Variants in CSGALNACT1 observed in about 807,000 individuals in gnomAD.
CSGALNACT1 encodes the protein chondroitin sulfate N-acetylgalactosaminyltransferase 1.
Under a neutral mutation model 51.0 loss-of-function variants are expected in CSGALNACT1, and 52 were observed. The ratio of observed to expected loss-of-function variants is 1.02; its 90% CI spans 0.82 to 1.29. The LOEUF (loss-of-function observed/expected upper bound fraction) is 1.29. CSGALNACT1 is among the 50% of genes most tolerant of loss of function. CSGALNACT1 has a pLI of 0.00. For synonymous variants in CSGALNACT1, 341 were observed against 254.4 expected (o/e 1.34, Z -3.24); for missense variants, 935 against 679.2 (o/e 1.38, Z -4.19).
chr8:19,538,458 CAA>C (rs1409311775), intron 3 of CSGALNACT1, among the ~76,000 whole-genome samples: 1 of 152,024 alleles, frequency 6.6e-6, no homozygotes, highest in East Asian at 1.9e-4. Context: ...ATGATGCAGG[CAA>C]AAGATACTTG....
chr8:19,561,913 C>T (rs1244198530), intron 3 of CSGALNACT1, among the ~76,000 whole-genome samples: 3 of 152,026 alleles, frequency 2.0e-5, no homozygotes, highest in Non-Finnish European at 4.4e-5. Flanking sequence ...GGAGGGATTG[C>T]TATTTCAGCA....
chr8:19,413,675 G>T (rs2056328634), intron 8 of CSGALNACT1, among the ~76,000 whole-genome samples: 1 of 152,200 alleles, frequency 6.6e-6, no homozygotes, highest in Admixed American at 6.5e-5. Flanking sequence ...ACCAGAGAGA[G>T]GGCAAGGACA....
chr8:19,474,394 T>C (rs2068915035), intron 4 of CSGALNACT1, among the ~76,000 whole-genome samples: 1 of 152,332 alleles, frequency 6.6e-6, no homozygotes, highest in East Asian at 1.9e-4. Context: ...TATTTATTTA[T>C]TTATATTTGG....
intron 1 of CSGALNACT1, among the ~76,000 whole-genome samples, chr8:19,740,278 C>T (rs981251262): frequency 3.3e-4 from 50 of 152,208 alleles, no homozygotes; most frequent in African/African-American, 1.2e-3. Context: ...CTTCACTCTG[C>T]CACCAAAGTG....
intron 4 of CSGALNACT1, among the ~76,000 whole-genome samples, chr8:19,464,749 T>A (rs2066294836): frequency 6.6e-6 from 1 of 152,150 alleles, no homozygotes; most frequent in Non-Finnish European, 1.5e-5. Context: ...TGATCTGAGA[T>A]GTAACAGTTT....
At chr8:19,564,304 CACAAA>C (rs796074004) in intron 3 of CSGALNACT1, among the ~76,000 whole-genome samples, 7 of 152,002 alleles carry the variant, frequency 4.6e-5, no homozygotes, top group African/African-American at 1.4e-4. Context: ...TCCCTCTGGG[CACAAA>C]ACAAAACAAA....
intron 1 of CSGALNACT1, among the ~76,000 whole-genome samples, chr8:19,614,926 C>T (rs2052787163): frequency 6.6e-6 from 1 of 152,138 alleles, no homozygotes; most frequent in South Asian, 2.1e-4. Context: ...GAGAAAGAAG[C>T]CCAGCTAAAG....
At chr8:19,695,972 A>T (rs1168274995) in intron 1 of CSGALNACT1, among the ~76,000 whole-genome samples, 1 of 152,230 alleles carries the variant, frequency 6.6e-6, no homozygotes, top group Non-Finnish European at 1.5e-5. Flanking sequence ...GTTCTTTCTT[A>T]ATCAAATAAA....
intron 4 of CSGALNACT1, among the ~76,000 whole-genome samples, chr8:19,470,833 C>T (rs561488423): frequency 2.0e-5 from 3 of 152,254 alleles, no homozygotes; most frequent in East Asian, 1.9e-4. Context: ...TGGTGGTTCA[C>T]GCCTATAATC....
rs147164206 is a variant in CSGALNACT1, at chr8:19,468,508, C to G, written c.635-9866G>C. The stretch of plus-strand genomic sequence containing the variant: ...GAGAGGTGAGATCTTTCAGGATATT[C>G]ACCTTAGAGCAGTGTGGGGCGCAGG... On this transcript the variant is annotated intron_variant, in intron 4 of 9. Coordinates refer to ENST00000454498, the Ensembl canonical transcript of CSGALNACT1. 1.1e-3 allele frequency among the ~76,000 whole-genome samples: 163 copies of G among 152,188 alleles called. 3 individuals carry two copies. Among genetic ancestry groups the G allele is most frequent in the African/African-American group, 3.8e-3 (157 of 41,542 alleles).
At chr8:19,479,565 A>G (rs773639451) in intron 4 of CSGALNACT1, among the ~76,000 whole-genome samples, 6 of 152,172 alleles carry the variant, frequency 3.9e-5, no homozygotes, top group Non-Finnish European at 7.3e-5. Flanking sequence ...TTTTAACTAC[A>G]GTATTGAAGG....
At chr8:19,506,998 C>T (rs538232616) in intron 3 of CSGALNACT1, among the ~76,000 whole-genome samples, 8 of 152,310 alleles carry the variant, frequency 5.3e-5, no homozygotes, top group Non-Finnish European at 7.3e-5. Context: ...CCTGTGTGCA[C>T]TCACTTAGAG....
At chr8:19,606,627 C>G (rs1484768928), upstream of CSGALNACT1, among the ~76,000 whole-genome samples, 2 of 152,126 alleles carry the variant, frequency 1.3e-5, no homozygotes, top group African/African-American at 2.4e-5. Context: ...GGTCTTAAGA[C>G]TACAGGATGC....
At chr8:19,652,326 G>C (rs576017590) in intron 1 of CSGALNACT1, among the ~76,000 whole-genome samples, 1 of 152,104 alleles carries the variant, frequency 6.6e-6, no homozygotes, top group South Asian at 2.1e-4. Context: ...GTAAATATTT[G>C]GTGACCAAGA....
intron 1 of CSGALNACT1, among the ~76,000 whole-genome samples, chr8:19,633,083 T>C (rs2055522482): frequency 6.6e-6 from 1 of 151,974 alleles, no homozygotes; most frequent in African/African-American, 2.4e-5. Flanking sequence ...AGCTGAGGGC[T>C]TTTTAAAAGG....
intron 6 of CSGALNACT1, 92 bp from the exon 6 acceptor site, chr8:19,420,610 G>A: frequency 3.7e-6 from 5 of 1,359,430 alleles, no homozygotes. Flanking sequence ...TCCACATCTT[G>A]ACCCATTTCT....
At chr8:19,590,671 A>C (rs2047620095) in intron 3 of CSGALNACT1, among the ~76,000 whole-genome samples, 1 of 87,870 alleles carries the variant, frequency 1.1e-5, no homozygotes, top group Non-Finnish European at 1.9e-5. Flanking sequence ...TTTTTTGGAG[A>C]TGGAGTCTCG....
intron 1 of CSGALNACT1, among the ~76,000 whole-genome samples, chr8:19,696,545 C>T (rs2061592431): frequency 6.6e-6 from 1 of 152,214 alleles, no homozygotes; most frequent in Non-Finnish European, 1.5e-5. Context: ...TGAAAAACCA[C>T]AGTAGCTACA....
At chr8:19,718,303 T>C (rs2062926559) in intron 1 of CSGALNACT1, among the ~76,000 whole-genome samples, 2 of 152,140 alleles carry the variant, frequency 1.3e-5, no homozygotes, top group African/African-American at 2.4e-5. Context: ...GGTTGTACCA[T>C]GTTGGCCAGG....
Sources: allele counts gnomAD v4.1 joint callset (sites outside exome capture counted in the v4.1 genomes callset), GRCh38; gene constraint gnomAD v4.1.1; transcripts MANE v1.5; gene names NCBI Gene and HGNC (gene_info 2026-07-23, HGNC 2026-07-21).